Variants in EHMT1 observed in about 807,000 individuals in gnomAD.
EHMT1 encodes histone-lysine N-methyltransferase EHMT1.
Under a neutral mutation model 147.2 loss-of-function variants are expected in EHMT1, and 15 were observed. The observed-to-expected ratio is 0.10, with a 90% CI of 0.07 to 0.16. The LOEUF (loss-of-function observed/expected upper bound fraction) is 0.16. Among genes scored for constraint, EHMT1 ranks in the 10% least tolerant of loss-of-function variants. The probability of loss-of-function intolerance (pLI) is 1.00; values close to 1 mark genes in which losing one functional copy is unlikely to be tolerated. For synonymous variants in EHMT1, 795 were observed against 709.6 expected, an observed-to-expected ratio of 1.12 and a Z score of -1.91; for missense variants, 1,587 against 1,772.4, an observed-to-expected ratio of 0.90 and a Z score of 1.88.
rs1027400077 is a variant in EHMT1, at chr9:137,791,266, A to G, written c.2505+296A>G. On this transcript the variant is annotated intron_variant, in intron 16 of 26. Transcript: ENST00000460843. Reference sequence around the variant, plus strand: ...TCTCACCCTGTCTTCAGCCCAGAGCAATTAGGCAAGAAAAAGAAATCAAAG... The same window carrying G: ...TCTCACCCTGTCTTCAGCCCAGAGCGATTAGGCAAGAAAAAGAAATCAAAG... 1.1e-4 allele frequency among the ~76,000 whole-genome samples: 16 copies of G among 152,306 alleles called. No individual in the cohort carries two copies. The South Asian group carries it at 1.5e-3, about 14-fold the overall frequency.
At chr9:137,690,052 C>G (rs1942801109) in intron 1 of EHMT1, among the ~76,000 whole-genome samples, 1 of 152,324 alleles carries the variant, frequency 6.6e-6, no homozygotes, top group South Asian at 2.1e-4. Flanking sequence ...AAACAGAGGA[C>G]TGGTGCATGA....
At chr9:137,742,588 C>T (rs1052916681) in intron 4 of EHMT1, among the ~76,000 whole-genome samples, 6 of 152,096 alleles carry the variant, frequency 3.9e-5, no homozygotes, top group Admixed American at 1.3e-4. Flanking sequence ...TAAAACCAGT[C>T]GAACCTAGAA....
At chr9:137,670,955 C>T (rs1940539485) in intron 1 of EHMT1, among the ~76,000 whole-genome samples, 1 of 152,170 alleles carries the variant, frequency 6.6e-6, no homozygotes, top group South Asian at 2.1e-4. Flanking sequence ...GCCTGTGGGT[C>T]TTGGCTTGGC....
intron 10 of EHMT1, among the ~76,000 whole-genome samples, chr9:137,766,350 T>C (rs941667336): frequency 5.3e-5 from 8 of 152,232 alleles, no homozygotes; most frequent in Non-Finnish European, 1.0e-4. Context: ...CACAGTGGCT[T>C]ATGCCTGTAA....
At chr9:137,718,754 CTTTTTCT>C (rs1422213109) in intron 3 of EHMT1, among the ~76,000 whole-genome samples, 3 of 146,340 alleles carry the variant, frequency 2.1e-5, no homozygotes, top group African/African-American at 2.7e-5. Context: ...TTTTCTTTTT[CTTTTTCT>C]TTTTTTTTTT....
At position 137,775,160 on chromosome 9, in the gene EHMT1, A is replaced by G; in HGVS notation, c.1699A>G (p.Asn567Asp). The G allele has an allele frequency of 1.2e-6, 2 of 1,614,018 alleles. No homozygotes were observed. The highest frequency in any genetic ancestry group is 1.7e-6 in the Non-Finnish European group (2 of 1,180,020). ...CAAGTATGAGCTGATGCGCCCCTCC[A>G]ACAAGGCCCCGCTCCTCGTGCTGTG... Reference protein sequence around the residue: ...VVKYELMRPSNKAPLLVLCED... With the variant: ...VVKYELMRPSDKAPLLVLCED... The change falls in exon 11 of 27, where the codon AAC (asparagine) becomes GAC (aspartate). Residue 567 changes from asparagine (N) to aspartate (D), a missense_variant. Asn to Asp is a conservative substitution (Grantham distance 23). This residue lies in a region of EHMT1 where 124 missense variants were observed against 197.8 expected (regional missense o/e 0.63). Coordinates refer to ENST00000460843, the MANE Select transcript of EHMT1 (RefSeq NM_024757.5). This position sits in a 1 kb window ranked among gnomAD's most constrained non-coding sequence, Gnocchi z 6.1.
chr9:137,775,133 G>A lies in EHMT1; in HGVS notation c.1672G>A (p.Val558Ile). The change falls in exon 11 of 27, where the codon GTC becomes ATC. Residue 558 changes from valine (V) to isoleucine (I), a missense_variant. This residue lies in a region of EHMT1 where 124 missense variants were observed against 197.8 expected (regional missense o/e 0.63). Transcript: ENST00000460843. The surrounding 1 kb of genome is among the most constrained non-coding windows in gnomAD (Gnocchi z 6.1). ...GTTGGGCCGGTGCACAAACAGCGTG[G>A]TCAAGTATGAGCTGATGCGCCCCTC... ...HELGRCTNSV[V>I]KYELMRPSNK... 1 of 1,614,100 alleles carries A rather than the reference G, an allele frequency of 6.2e-7. No homozygotes were observed. Among genetic ancestry groups the A allele is most frequent in the Non-Finnish European group, 8.5e-7 (1 of 1,180,024 alleles).
At position 137,776,925 on chromosome 9, in the gene EHMT1, C is replaced by G; in HGVS notation, c.2018+81C>G. On this transcript the variant is annotated intron_variant, in intron 12 of 26. Coordinates refer to ENST00000460843, the MANE Select transcript of EHMT1 (RefSeq NM_024757.5). The surrounding 1 kb of genome is among the most constrained non-coding windows in gnomAD (Gnocchi z 4.4). Reference sequence around the variant, plus strand: ...GTTGTTAACTCAACGTTATTGCTTCCTGCTGTTTTTTCCAGAAGTCTCTGA... The same window carrying G: ...GTTGTTAACTCAACGTTATTGCTTCGTGCTGTTTTTTCCAGAAGTCTCTGA... 7.4e-7 allele frequency: 1 copy of G among 1,350,538 alleles called. No individual in the cohort carries two copies. The highest frequency in any genetic ancestry group is 1.2e-5 in the South Asian group (1 of 80,336). The allele number at this position is 1,350,538 out of a possible 1,614,324, so 83.7% of individuals were successfully genotyped here. A position where few individuals can be genotyped will look rare whatever the true frequency, so the allele number is the denominator to read the frequency against.
At chr9:137,696,558 G>A (rs1268303418) in intron 1 of EHMT1, among the ~76,000 whole-genome samples, 1 of 152,204 alleles carries the variant, frequency 6.6e-6, no homozygotes, top group Non-Finnish European at 1.5e-5. Context: ...AATGTTGATA[G>A]CGTGTAGGAT....
rs142317852 is a variant in EHMT1 at position 137,642,406 on chromosome 9, C to G, written c.21+23357C>G. Among the ~76,000 whole-genome samples, 8 of 150,910 alleles carry G rather than the reference C, an allele frequency of 5.3e-5. No homozygotes were observed. The East Asian group carries it at 1.6e-3, about 30-fold the overall frequency. ...CCGTGGCCTTGAACTCCCGGGCTCA[C>G]AGGATCCTCCCACCTCAGCCTCCTG... On this transcript the variant is annotated intron_variant, in intron 1 of 26. Transcript: ENST00000460843.
At chr9:137,710,861 T>G in intron 1 of EHMT1, 106 bp from the exon 2 acceptor site, 1 of 1,257,332 alleles carries the variant, frequency 8.0e-7, no homozygotes, top group Non-Finnish European at 1.1e-6. Flanking sequence ...CAGCAGCTCA[T>G]GGTGAATGTT....
At chr9:137,784,334 C>T in intron 15 of EHMT1, 1 of 1,303,470 alleles carries the variant, frequency 7.7e-7, no homozygotes, top group South Asian at 2.6e-5. Flanking sequence ...TCTTAAAGGC[C>T]CAGCCTCAAA....
intron 25 of EHMT1, among the ~76,000 whole-genome samples, chr9:137,819,794 A>G (rs911902151): frequency 5.9e-5 from 9 of 151,764 alleles, no homozygotes; most frequent in African/African-American, 1.5e-4. Flanking sequence ...AGCCCACCCA[A>G]TCCCCACTGC....
chr9:137,802,471 G>T (rs1157287844), intron 18 of EHMT1: 6 of 398,548 alleles, frequency 1.5e-5, no homozygotes, highest in African/African-American at 4.1e-5. Context: ...TTGATAATAA[G>T]AAAGAAGATT....
intron 1 of EHMT1, among the ~76,000 whole-genome samples, chr9:137,709,990 C>T (rs949390767): frequency 9.2e-5 from 14 of 152,130 alleles, no homozygotes; most frequent in Non-Finnish European, 1.5e-4. Context: ...CAGCCCTCTT[C>T]CCCGGCCCCC....
intron 16 of EHMT1, chr9:137,792,082 G>T (rs1328787081): frequency 2.1e-6 from 1 of 469,570 alleles, no homozygotes; most frequent in Non-Finnish European, 4.4e-6. Context: ...AGTTTATACG[G>T]AGTCTCAAGA....
At chr9:137,662,651 C>T (rs557545425) in intron 1 of EHMT1, among the ~76,000 whole-genome samples, 9 of 152,126 alleles carry the variant, frequency 5.9e-5, no homozygotes, top group Non-Finnish European at 1.0e-4. Flanking sequence ...AGATGCCTGC[C>T]ACCACACTGG....
chr9:137,692,704 A>G (rs975978), intron 1 of EHMT1, among the ~76,000 whole-genome samples: 59,242 of 151,992 alleles, frequency 0.39, 13,705 homozygotes, highest in African/African-American at 0.64. Context: ...CGCTGGTCAG[A>G]AGCACGTTGC....
chr9:137,792,347 C>G (rs1306254765), intron 16 of EHMT1: 3 of 266,998 alleles, frequency 1.1e-5, no homozygotes, highest in African/African-American at 6.6e-5. Context: ...GGTGCTGAGA[C>G]AGCTGGATAT....
Sources: gnomAD v4.1 joint callset for allele counts (sites outside exome capture counted in the v4.1 genomes callset) on GRCh38, gnomAD v4.1.1 for gene constraint, gnomAD v4.1.1 regional missense constraint, Gnocchi (gnomAD v3.1) non-coding constraint, MANE v1.5 for transcripts, NCBI Gene and HGNC (gene_info 2026-07-23, HGNC 2026-07-21) for gene names.